AFG1L: variants seen among roughly 807,000 people sequenced by gnomAD.
The protein encoded by AFG1L is AFG1 like ATPase.
AFG1L carries 53 observed loss-of-function variants against 62.2 expected under a neutral mutation model. The ratio of observed to expected loss-of-function variants is 0.85; its 90% CI spans 0.68 to 1.07. The LOEUF is 1.07. Among genes scored for constraint, AFG1L ranks in the 50% least tolerant of loss-of-function variants. The pLI, the probability that AFG1L is intolerant of heterozygous loss-of-function variation, is 0.00. For synonymous variants in AFG1L, 228 were observed against 210.3 expected, an observed-to-expected ratio of 1.08 and a Z score of -0.73; for missense variants, 555 against 590.5, an observed-to-expected ratio of 0.94 and a Z score of 0.62.
At chr6:108,418,480 C>T (rs1340737693) in intron 7 of AFG1L, among the ~76,000 whole-genome samples, 1 of 152,050 alleles carries the variant, frequency 6.6e-6, no homozygotes, top group Non-Finnish European at 1.5e-5. Flanking sequence ...CGACATATGT[C>T]AATAGCACCT....
intron 6 of AFG1L, among the ~76,000 whole-genome samples, chr6:108,395,540 T>G (rs1476396311): frequency 6.6e-6 from 1 of 151,432 alleles, no homozygotes; most frequent in Non-Finnish European, 1.5e-5. Context: ...TAGCTGAAGC[T>G]ACAGGCATGT....
At chr6:108,423,556 G>A (rs1164486608) in intron 7 of AFG1L, among the ~76,000 whole-genome samples, 1 of 151,752 alleles carries the variant, frequency 6.6e-6, no homozygotes, top group Non-Finnish European at 1.5e-5. Context: ...TTATATTAGG[G>A]GTGCTTGGTA....
rs537481150 is a variant in AFG1L, at chr6:108,507,110, G to A, written c.1063-3102G>A. Among the ~76,000 whole-genome samples, 12 of 152,066 alleles carry A rather than the reference G, an allele frequency of 7.9e-5. 1 individual carries two copies. In the South Asian group the frequency reaches 8.3e-4, roughly 11 times the overall value. ...GAAAAAAGTAGTATTGCTATCTCTC[G>A]TGGCCTAAATTGAGAGAGATGTCTT... On this transcript the variant is annotated intron_variant, in intron 10 of 12. Coordinates refer to ENST00000368977, the MANE Select transcript of AFG1L (RefSeq NM_145315.5).
intron 10 of AFG1L, among the ~76,000 whole-genome samples, chr6:108,492,842 T>C (rs1371147381): frequency 6.6e-6 from 1 of 152,106 alleles, no homozygotes; most frequent in African/African-American, 2.4e-5. Flanking sequence ...CTTTAAAGGG[T>C]GAATTGTACA....
chr6:108,397,900 T>A (rs899108579), intron 6 of AFG1L, among the ~76,000 whole-genome samples: 4 of 152,232 alleles, frequency 2.6e-5, no homozygotes, highest in Admixed American at 2.0e-4. Flanking sequence ...TTGTGAACAG[T>A]GCTGTAACAA....
intron 7 of AFG1L, among the ~76,000 whole-genome samples, chr6:108,426,178 A>G (rs996259068): frequency 6.6e-6 from 1 of 152,174 alleles, no homozygotes; most frequent in African/African-American, 2.4e-5. Context: ...TTACAGTGTA[A>G]ATGAATCATA....
intron 8 of AFG1L, among the ~76,000 whole-genome samples, chr6:108,457,152 T>C (rs1338767645): frequency 6.6e-6 from 1 of 152,202 alleles, no homozygotes; most frequent in Non-Finnish European, 1.5e-5. Context: ...TTTAATACTA[T>C]AAGATGTGGT....
At chr6:108,518,807 G>C (rs1775005391) in intron 11 of AFG1L, among the ~76,000 whole-genome samples, 1 of 152,216 alleles carries the variant, frequency 6.6e-6, no homozygotes, top group African/African-American at 2.4e-5. Context: ...TGTCCTAGCA[G>C]GATGCTAAGA....
chr6:108,432,479 T>C (rs1771119361), intron 7 of AFG1L, among the ~76,000 whole-genome samples: 1 of 152,208 alleles, frequency 6.6e-6, no homozygotes, highest in African/African-American at 2.4e-5. Context: ...TAATGGTGAT[T>C]TTCTTTTCAT....
intron 3 of AFG1L, among the ~76,000 whole-genome samples, chr6:108,354,854 A>G (rs1779206297): frequency 6.6e-6 from 1 of 152,184 alleles, no homozygotes; most frequent in Non-Finnish European, 1.5e-5. Flanking sequence ...GAATTCTCAG[A>G]TAAGAGGGTT....
intron 7 of AFG1L, among the ~76,000 whole-genome samples, chr6:108,415,234 AAGG>A (rs1179347888): frequency 6.6e-6 from 1 of 152,226 alleles, no homozygotes; most frequent in African/African-American, 2.4e-5. Flanking sequence ...GGACCTCTTC[AAGG>A]AGAACTGCAA....
At chr6:108,394,454 G>GT (rs1562129963) in intron 6 of AFG1L, among the ~76,000 whole-genome samples, 2 of 130,530 alleles carry the variant, frequency 1.5e-5, no homozygotes, top group African/African-American at 2.6e-5. Context: ...CGGCCTTGCC[G>GT]TTTTTTTTAT....
chr6:108,512,305 G>A (rs1774685460), intron 11 of AFG1L, among the ~76,000 whole-genome samples: 1 of 152,202 alleles, frequency 6.6e-6, no homozygotes, highest in Admixed American at 6.5e-5. Flanking sequence ...TGGCTCTGAT[G>A]CAGAAGCTGA....
intron 10 of AFG1L, among the ~76,000 whole-genome samples, chr6:108,498,074 G>T (rs1320708361): frequency 3.9e-5 from 6 of 152,148 alleles, no homozygotes; most frequent in Non-Finnish European, 8.8e-5. Context: ...TGCTCTCTTG[G>T]CTTTTGTCCT....
At chr6:108,518,490 G>T (rs1774989071) in intron 11 of AFG1L, among the ~76,000 whole-genome samples, 1 of 141,426 alleles carries the variant, frequency 7.1e-6, no homozygotes, top group African/African-American at 2.6e-5. Flanking sequence ...TCACACACCG[G>T]GGCTTGTTGT....
chr6:108,451,382 T>C (rs181160744), intron 8 of AFG1L, among the ~76,000 whole-genome samples: 3 of 152,298 alleles, frequency 2.0e-5, no homozygotes, highest in African/African-American at 4.8e-5. Context: ...AAAGTTGACA[T>C]GGAGCAATTT....
chr6:108,491,023 T>C (rs1008902068), intron 10 of AFG1L, among the ~76,000 whole-genome samples: 2 of 152,198 alleles, frequency 1.3e-5, no homozygotes, highest in African/African-American at 4.8e-5. Context: ...TAAGCAGAAA[T>C]AGAATAATTT....
chr6:108,482,894 GT>G (rs961191578), intron 10 of AFG1L, among the ~76,000 whole-genome samples: 12 of 150,804 alleles, frequency 8.0e-5, no homozygotes, highest in African/African-American at 2.2e-4. Flanking sequence ...TGTTTGTCAG[GT>G]TTTTTTTTGC....
At chr6:108,401,256 C>A (rs572813483) in intron 6 of AFG1L, among the ~76,000 whole-genome samples, 14 of 151,644 alleles carry the variant, frequency 9.2e-5, no homozygotes, top group Admixed American at 3.9e-4. Context: ...CATTCTCCTG[C>A]CTCAGCCTCC....
Sources: gnomAD v4.1 joint callset for allele counts (sites outside exome capture counted in the v4.1 genomes callset) on GRCh38, gnomAD v4.1.1 for gene constraint, MANE v1.5 for transcripts, NCBI Gene and HGNC (gene_info 2026-07-23, HGNC 2026-07-21) for gene names.